The following GLI3 variants were observed in gnomAD, a reference collection of about 807,000 sequenced individuals.
GLI3 encodes GLI family zinc finger 3, also known as transcription activator GLI3.
In GLI3, 20 loss-of-function variants were observed where a neutral mutation model predicts 100.8. The observed-to-expected ratio is 0.20, with a 90% CI of 0.14 to 0.29. GLI3 has a LOEUF of 0.29. GLI3 is among the 10% of genes least tolerant of loss of function. GLI3 has a pLI of 1.00. For synonymous variants in GLI3, 938 were observed against 860.5 expected (o/e 1.09, Z -1.58); for missense variants, 2,040 against 2,128.5 (o/e 0.96, Z 0.82).
chr7:42,109,475 G>C (rs1178554857), intron 3 of GLI3, among the ~76,000 whole-genome samples: 2 of 152,146 alleles, frequency 1.3e-5, no homozygotes, highest in Non-Finnish European at 2.9e-5. Flanking sequence ...AAGTGGCCTA[G>C]AGACTGTAAT....
At chr7:42,210,328 A>C (rs1256914957) in intron 2 of GLI3, among the ~76,000 whole-genome samples, 2 of 129,918 alleles carry the variant, frequency 1.5e-5, no homozygotes, top group African/African-American at 2.8e-5. Context: ...ACTTCTATTC[A>C]AAAATGAAAG....
At chr7:42,132,122 A>G (rs1249388375) in intron 3 of GLI3, among the ~76,000 whole-genome samples, 1 of 147,576 alleles carries the variant, frequency 6.8e-6, no homozygotes, top group Non-Finnish European at 1.5e-5. Flanking sequence ...TATTTTTGAG[A>G]TGGAGGCTCG....
intron 3 of GLI3, among the ~76,000 whole-genome samples, 191 bp from the exon 4 acceptor site, chr7:42,077,048 C>T (rs1784894376): frequency 6.6e-6 from 1 of 152,126 alleles, no homozygotes; most frequent in African/African-American, 2.4e-5. Flanking sequence ...GTAAGTAGTG[C>T]CTGCACCTAC....
intron 13 of GLI3, among the ~76,000 whole-genome samples, chr7:41,971,143 C>T (rs757213581): frequency 6.6e-6 from 1 of 152,162 alleles, no homozygotes; most frequent in Non-Finnish European, 1.5e-5. Context: ...AGCTTCTCAC[C>T]GTCTCAATGG....
In GLI3 at chr7:42,102,870, A is replaced by T. The variant is rs906259345; in HGVS notation, c.368-26013T>A. Among the ~76,000 whole-genome samples, 5 of 152,320 alleles carry T rather than the reference A, an allele frequency of 3.3e-5. 1 individual carries two copies. In the Middle Eastern group the frequency reaches 0.014, roughly 414 times the overall value. ...AGTGCCATCTCAGTTCGCCGGTCAC[A>T]CTGGCGCAGAAATGCCTAATTGTGG... On this transcript the variant is annotated intron_variant, in intron 3 of 14. Coordinates refer to ENST00000395925, the MANE Select transcript of GLI3 (RefSeq NM_000168.6).
At chr7:42,200,411 AAT>A (rs1788014168) in intron 2 of GLI3, among the ~76,000 whole-genome samples, 1 of 152,214 alleles carries the variant, frequency 6.6e-6, no homozygotes, top group South Asian at 2.1e-4. Flanking sequence ...TTATCCTTCA[AAT>A]ATTTGTAAGT....
At chr7:42,067,271 G>T (rs2128749125) in intron 4 of GLI3, among the ~76,000 whole-genome samples, 1 of 152,184 alleles carries the variant, frequency 6.6e-6, no homozygotes, top group Admixed American at 6.5e-5. Context: ...AACGACAATG[G>T]GTGCTAGGAA....
At chr7:41,969,564 A>AT (rs34546935) in intron 13 of GLI3, among the ~76,000 whole-genome samples, 1 of 152,206 alleles carries the variant, frequency 6.6e-6, no homozygotes, top group African/African-American at 2.4e-5. Flanking sequence ...GCCTTGCTTA[A>AT]TTTTTGGCCT....
intron 10 of GLI3, among the ~76,000 whole-genome samples, chr7:41,998,874 T>C (rs113737006): frequency 6.6e-6 from 1 of 152,228 alleles, no homozygotes; most frequent in Non-Finnish European, 1.5e-5. Context: ...CTAAAAATAT[T>C]AGTTTTCACC....
rs1787169849 is a variant in GLI3 at position 41,966,130 on chromosome 7, G to C, written c.2943C>G (p.Asp981Glu). 1 of 1,586,298 alleles carries C rather than the reference G, an allele frequency of 6.3e-7. No individual in the cohort carries two copies. Among genetic ancestry groups the C allele is most frequent in the Non-Finnish European group, 8.5e-7 (1 of 1,171,100 alleles). The part of the protein sequence containing the change: ...PPVHAPRRCS[D>E]GGAHGYGRRH... Reference sequence around the variant, plus strand: ...GCCGCCCGTAGCCGTGGGCTCCCCCGTCGCTGCACCTCCTCGGGGCATGAA... The same window carrying C: ...GCCGCCCGTAGCCGTGGGCTCCCCCCTCGCTGCACCTCCTCGGGGCATGAA... Residue 981 changes from aspartate (D) to glutamate (E), a missense_variant, in exon 15 of 15, where the codon GAC becomes GAG. By Grantham distance (45) the Asp-to-Glu change is conservative. Transcript: ENST00000395925. The surrounding 1 kb of genome is among the most constrained non-coding windows in gnomAD (Gnocchi z 5.8).
At chr7:42,006,295 T>G (rs952576174) in intron 10 of GLI3, among the ~76,000 whole-genome samples, 7 of 152,150 alleles carry the variant, frequency 4.6e-5, no homozygotes, top group Admixed American at 4.6e-4. Flanking sequence ...GATCTCTGTA[T>G]GCACAGGAAT....
chr7:41,997,304 A>G (rs876923), intron 10 of GLI3, among the ~76,000 whole-genome samples: 4,190 of 152,226 alleles, frequency 0.028, 67 homozygotes, highest in African/African-American at 0.038. Context: ...TTATTTATGG[A>G]AAGAATTTTA....
intron 10 of GLI3, among the ~76,000 whole-genome samples, chr7:41,994,654 C>A (rs1788075791): frequency 6.6e-6 from 1 of 152,170 alleles, no homozygotes; most frequent in African/African-American, 2.4e-5. Flanking sequence ...GCCATTTCTG[C>A]AATTTTGTTT....
intron 2 of GLI3, among the ~76,000 whole-genome samples, chr7:42,168,911 C>T (rs758583915): frequency 4.6e-5 from 7 of 152,044 alleles, no homozygotes; most frequent in Non-Finnish European, 7.4e-5. Context: ...AAGTGAAATC[C>T]TGTCTCAAAA....
intron 13 of GLI3, among the ~76,000 whole-genome samples, chr7:41,968,747 AGAAAGAAAGAAAGAAG>A (rs1359648429): frequency 8.9e-4 from 109 of 122,132 alleles, no homozygotes; most frequent in African/African-American, 2.4e-3. Flanking sequence ...AAAGAAAGAA[AGAAAGAAAGAAAGAAG>A]GAAAGAAAGA....
chr7:42,260,936 C>T (rs1789131234), intron 1 of GLI3, among the ~76,000 whole-genome samples: 1 of 152,176 alleles, frequency 6.6e-6, no homozygotes, highest in Non-Finnish European at 1.5e-5. Flanking sequence ...TCCATACGTT[C>T]AGGCAACTAC....
At chr7:41,992,768 G>T (rs1436430682) in intron 10 of GLI3, among the ~76,000 whole-genome samples, 2 of 152,154 alleles carry the variant, frequency 1.3e-5, no homozygotes, top group Non-Finnish European at 2.9e-5. Context: ...CCCAAAAGAA[G>T]CGATTAAGGC....
At position 41,966,541 on chromosome 7, in the gene GLI3, G is replaced by A; in HGVS notation, c.2532C>T (p.Leu844=). 6.2e-7 allele frequency: 1 copy of A among 1,613,978 alleles called. No homozygotes were observed. The highest frequency in any genetic ancestry group is 8.5e-7 in the Non-Finnish European group (1 of 1,180,024). The change falls in exon 15 of 15, where the codon CTC becomes CTT. Residue 844 remains leucine, a synonymous_variant. Coordinates refer to ENST00000395925, the MANE Select transcript of GLI3 (RefSeq NM_000168.6). The surrounding 1 kb of genome is among the most constrained non-coding windows in gnomAD (Gnocchi z 5.8). ...SGVDVTMLNM[L]NRRDSSASTI... The stretch of plus-strand genomic sequence containing the variant: ...TGCTGGCGCTGCTGTCCCTTCTGTT[G>A]AGCATGTTCAGCATAGTGACGTCCA...
chr7:41,989,727 G>A (rs1246326052), intron 10 of GLI3, among the ~76,000 whole-genome samples: 1 of 151,980 alleles, frequency 6.6e-6, no homozygotes, highest in Non-Finnish European at 1.5e-5. Flanking sequence ...TATTCAACCT[G>A]TTGTCAAAAT....
Sources: allele counts gnomAD v4.1 joint callset (sites outside exome capture counted in the v4.1 genomes callset), GRCh38; gene constraint gnomAD v4.1.1; non-coding constraint Gnocchi (gnomAD v3.1); transcripts MANE v1.5; gene names NCBI Gene and HGNC (gene_info 2026-07-23, HGNC 2026-07-21).